SGIP1: variants seen among roughly 807,000 people sequenced by gnomAD.
SGIP1 encodes the protein SH3-containing GRB2-like protein 3-interacting protein 1.
Under a neutral mutation model 107.5 loss-of-function variants are expected in SGIP1, and 38 were observed. The observed-to-expected ratio is 0.35, with a 90% confidence interval of 0.27 to 0.46. The LOEUF is 0.46. SGIP1 is among the 20% of genes least tolerant of loss of function. The pLI is 1.00. For synonymous variants in SGIP1, 365 were observed against 366.1 expected (o/e 1.00, Z 0.03); for missense variants, 929 against 1,019.5 (o/e 0.91, Z 1.21).
chr1:66,696,176 C>A (rs1415370355), intron 18 of SGIP1, among the ~76,000 whole-genome samples: 1 of 152,078 alleles, frequency 6.6e-6, no homozygotes, highest in Non-Finnish European at 1.5e-5. Context: ...TTGTTATATT[C>A]TGCATAAAGG....
intron 19 of SGIP1, among the ~76,000 whole-genome samples, chr1:66,723,565 T>A (rs1192279965): frequency 3.9e-5 from 6 of 152,168 alleles, no homozygotes; most frequent in African/African-American, 1.4e-4. Context: ...GTTACTCGGC[T>A]CTCTCTTATC....
chr1:66,661,126 C>T (rs575991093), intron 8 of SGIP1, among the ~76,000 whole-genome samples: 4 of 152,186 alleles, frequency 2.6e-5, no homozygotes, highest in East Asian at 3.9e-4. Flanking sequence ...AAGTCTGATA[C>T]GATGTACCTA....
At chr1:66,676,973 C>T (rs1340490619) in intron 12 of SGIP1, 31 bp from the exon 13 acceptor site, 4 of 1,554,528 alleles carry the variant, frequency 2.6e-6, no homozygotes, top group Non-Finnish European at 2.6e-6. Flanking sequence ...TTTTTTAACT[C>T]ACCCTGGGAA....
chr1:66,725,057 C>G (rs777900163), intron 19 of SGIP1, among the ~76,000 whole-genome samples: 1 of 152,122 alleles, frequency 6.6e-6, no homozygotes, highest in Non-Finnish European at 1.5e-5. Flanking sequence ...GTTAATGGAT[C>G]TAAAAGGTAG....
chr1:66,609,393 G>A (rs1359944417), intron 1 of SGIP1, among the ~76,000 whole-genome samples: 1 of 152,162 alleles, frequency 6.6e-6, no homozygotes, highest in Admixed American at 6.5e-5. Flanking sequence ...CATCCAAAGA[G>A]AGAGTCATCC....
At chr1:66,590,838 A>G (rs1054097783) in intron 1 of SGIP1, among the ~76,000 whole-genome samples, 1 of 149,494 alleles carries the variant, frequency 6.7e-6, no homozygotes, top group Non-Finnish European at 1.5e-5. Context: ...GCCCCCCTCA[A>G]CCTTCCAAAG....
intron 1 of SGIP1, among the ~76,000 whole-genome samples, chr1:66,548,565 G>C (rs185528919): frequency 1.7e-4 from 26 of 152,158 alleles, no homozygotes; most frequent in Middle Eastern, 3.4e-3. Context: ...TTTTTAAATG[G>C]CTTTGAAGCA....
At chr1:66,742,734 G>T (rs199996134) in intron 24 of SGIP1, among the ~76,000 whole-genome samples, 2 of 151,736 alleles carry the variant, frequency 1.3e-5, no homozygotes, top group East Asian at 3.9e-4. Context: ...CTCCCAAAGT[G>T]CTGGGATTAC....
intron 1 of SGIP1, among the ~76,000 whole-genome samples, chr1:66,607,506 A>C (rs1006929299): frequency 1.3e-5 from 2 of 152,230 alleles, no homozygotes; most frequent in African/African-American, 2.4e-5. Context: ...AAAGTATTTG[A>C]AGTGAAAAAC....
At chr1:66,636,427 C>T (rs2149430790) in intron 4 of SGIP1, among the ~76,000 whole-genome samples, 1 of 152,282 alleles carries the variant, frequency 6.6e-6, no homozygotes, top group East Asian at 1.9e-4. Flanking sequence ...CTGTAGGAGC[C>T]AGTGTATTTG....
At chr1:66,716,039 C>T (rs1242395671) in intron 18 of SGIP1, among the ~76,000 whole-genome samples, 1 of 152,066 alleles carries the variant, frequency 6.6e-6, no homozygotes, top group Non-Finnish European at 1.5e-5. Flanking sequence ...AAATGGGTAT[C>T]ATGACATCAT....
intron 21 of SGIP1, among the ~76,000 whole-genome samples, chr1:66,735,055 C>G (rs1013157044): frequency 6.6e-6 from 1 of 151,898 alleles, no homozygotes; most frequent in Non-Finnish European, 1.5e-5. Flanking sequence ...GAATTTATTC[C>G]TCTCATCTAA....
chr1:66,614,300 G>T (rs1265055833), intron 1 of SGIP1, among the ~76,000 whole-genome samples: 1 of 152,182 alleles, frequency 6.6e-6, no homozygotes, highest in Non-Finnish European at 1.5e-5. Flanking sequence ...GAGAGCAGGT[G>T]TTCACTGTAA....
At chr1:66,646,624 C>T (rs182127387) in intron 7 of SGIP1, among the ~76,000 whole-genome samples, 30 of 151,976 alleles carry the variant, frequency 2.0e-4, no homozygotes, top group African/African-American at 7.0e-4. Context: ...ATATATTGGG[C>T]GGTCAAATTA....
intron 1 of SGIP1, among the ~76,000 whole-genome samples, chr1:66,595,509 G>A (rs572140372): frequency 1.3e-5 from 2 of 152,268 alleles, no homozygotes; most frequent in African/African-American, 4.8e-5. Context: ...ACCATAATAA[G>A]GGTGATAACT....
chr1:66,714,998 A>T (rs2093149782), intron 18 of SGIP1, among the ~76,000 whole-genome samples: 1 of 152,092 alleles, frequency 6.6e-6, no homozygotes, highest in Non-Finnish European at 1.5e-5. Context: ...TACTCATATC[A>T]TTTTTATTGA....
intron 3 of SGIP1, among the ~76,000 whole-genome samples, chr1:66,634,881 C>T (rs2075484838): frequency 1.3e-5 from 2 of 152,300 alleles, no homozygotes; most frequent in East Asian, 1.9e-4. Context: ...CCAGTGCTAA[C>T]TGAGTTTCTG....
chr1:66,696,463 T>C (rs1457222336), intron 18 of SGIP1, among the ~76,000 whole-genome samples: 3 of 152,168 alleles, frequency 2.0e-5, no homozygotes, highest in Middle Eastern at 6.3e-3. Flanking sequence ...GGCAACAAAA[T>C]AGAATTTTCA....
intron 1 of SGIP1, among the ~76,000 whole-genome samples, chr1:66,621,456 TA>T (rs935008598): frequency 2.6e-5 from 4 of 152,154 alleles, no homozygotes; most frequent in Admixed American, 1.3e-4. Flanking sequence ...ACACACAAAA[TA>T]AAATTTTCCA....
Sources: allele counts gnomAD v4.1 joint callset (sites outside exome capture counted in the v4.1 genomes callset), GRCh38; gene constraint gnomAD v4.1.1; transcripts MANE v1.5; gene names NCBI Gene and HGNC (gene_info 2026-07-23, HGNC 2026-07-21).